ATP9B: variants seen among roughly 807,000 people sequenced by gnomAD.
ATP9B encodes probable phospholipid-transporting ATPase IIB.
Under a neutral mutation model 146.1 loss-of-function variants are expected in ATP9B, and 110 were observed. The ratio of observed to expected loss-of-function variants is 0.75; its 90% CI spans 0.65 to 0.88. ATP9B has a LOEUF of 0.88. Among genes scored for constraint, ATP9B ranks in the 40% least tolerant of loss-of-function variants. ATP9B has a pLI of 0.00. For missense variants in ATP9B, 1,499 were observed against 1,496.4 expected, an observed-to-expected ratio of 1.00 and a Z score of -0.03; for synonymous variants, 604 against 569.7, an observed-to-expected ratio of 1.06 and a Z score of -0.86.
chr18:79,370,546 G>A (rs1028303569), intron 26 of ATP9B, among the ~76,000 whole-genome samples: 3 of 152,180 alleles, frequency 2.0e-5, no homozygotes, highest in Non-Finnish European at 2.9e-5. Context: ...TATGAGTAAC[G>A]TGTCTGTACC....
At position 79,071,399 on chromosome 18, in the gene ATP9B, C is replaced by CTTTTTTTTTTT. The variant is rs56119715; in HGVS notation, c.119+1874_119+1884dup. Among the ~76,000 whole-genome samples, 204 of 69,270 alleles carry CTTTTTTTTTTT rather than the reference C, an allele frequency of 2.9e-3. 31 individuals carry two copies. The highest frequency in any genetic ancestry group is 0.016 in the East Asian group (49 of 3,034). The allele number at this position is 69,270 out of a possible 152,430, so 45.4% of individuals were successfully genotyped here. A position where few individuals can be genotyped will look rare whatever the true frequency, so the allele number is the denominator to read the frequency against. ...ATTTCCCCTTTTTCTATTGTTCTTC[C>CTTTTTTTTTTT]TTTTTTTTTTTTTTGAGACAGGGTC... On this transcript the variant is annotated intron_variant, in intron 1 of 29. Transcript: ENST00000426216.
At chr18:79,269,238 A>C (rs1195193653) in intron 12 of ATP9B, among the ~76,000 whole-genome samples, 1 of 152,154 alleles carries the variant, frequency 6.6e-6, no homozygotes, top group Non-Finnish European at 1.5e-5. Context: ...GGGCTTGGTC[A>C]CTGTCCTCGC....
At chr18:79,149,359 A>G (rs540913651) in intron 6 of ATP9B, among the ~76,000 whole-genome samples, 1 of 152,296 alleles carries the variant, frequency 6.6e-6, no homozygotes, top group Non-Finnish European at 1.5e-5. Context: ...AATTAGACAA[A>G]GGTGTGAAAA....
At chr18:79,185,651 C>A (rs1022952984) in intron 8 of ATP9B, among the ~76,000 whole-genome samples, 2 of 152,118 alleles carry the variant, frequency 1.3e-5, no homozygotes, top group Non-Finnish European at 2.9e-5. Context: ...AGGTATAGAT[C>A]TTTTTTCTAT....
intron 15 of ATP9B, among the ~76,000 whole-genome samples, chr18:79,323,650 T>C (rs2096728345): frequency 6.6e-6 from 1 of 152,230 alleles, no homozygotes; most frequent in African/African-American, 2.4e-5. Context: ...CATTCTTTAG[T>C]GATGGCTGAA....
chr18:79,180,861 C>G (rs149863017), intron 8 of ATP9B, among the ~76,000 whole-genome samples: 1 of 151,890 alleles, frequency 6.6e-6, no homozygotes, highest in African/African-American at 2.4e-5. Context: ...AGTGCAATCT[C>G]GACTCACTGC....
chr18:79,184,729 T>C (rs2095288593), intron 8 of ATP9B, among the ~76,000 whole-genome samples: 1 of 152,136 alleles, frequency 6.6e-6, no homozygotes, highest in African/African-American at 2.4e-5. Context: ...TCAAGTAATC[T>C]CTGCAGAACT....
intron 19 of ATP9B, chr18:79,340,602 A>C (rs1454410854): frequency 6.6e-6 from 1 of 152,228 alleles, no homozygotes; most frequent in Non-Finnish European, 1.5e-5. Context: ...TATGATACAT[A>C]AGAAATCTGA....
In ATP9B at chr18:79,229,051, G is replaced by T. The variant is rs114706910; in HGVS notation, c.1107+15013G>T. Reference sequence around the variant, plus strand: ...GTCTCAATACAAGCAAACAAAAAAAGGTAGCAGCTCAGGCTACAGTTCACA... The same window carrying T: ...GTCTCAATACAAGCAAACAAAAAAATGTAGCAGCTCAGGCTACAGTTCACA... On this transcript the variant is annotated intron_variant, in intron 11 of 29. Transcript: ENST00000426216. 8.0e-3 allele frequency among the ~76,000 whole-genome samples: 1,220 copies of T among 152,170 alleles called. 18 individuals carry two copies. Among genetic ancestry groups the T allele is most frequent in the African/African-American group, 0.028 (1,166 of 41,540 alleles).
At chr18:79,274,340 G>A (rs749686240) in intron 12 of ATP9B, among the ~76,000 whole-genome samples, 18 of 152,120 alleles carry the variant, frequency 1.2e-4, no homozygotes, top group African/African-American at 4.3e-4. Context: ...GATTTTTAAC[G>A]TTAAAGAGGA....
chr18:79,184,758 C>A (rs1326987228), intron 8 of ATP9B, among the ~76,000 whole-genome samples: 5 of 151,972 alleles, frequency 3.3e-5, no homozygotes, highest in African/African-American at 1.2e-4. Context: ...AATATGAGTC[C>A]TTAAATGACT....
At chr18:79,185,510 A>G (rs1272108073) in intron 8 of ATP9B, among the ~76,000 whole-genome samples, 1 of 152,244 alleles carries the variant, frequency 6.6e-6, no homozygotes, top group East Asian at 1.9e-4. Flanking sequence ...TATATGGTAA[A>G]TGAAAACATT....
intron 1 of ATP9B, among the ~76,000 whole-genome samples, chr18:79,086,647 A>T (rs1821483625): frequency 6.6e-6 from 1 of 152,116 alleles, no homozygotes; most frequent in African/African-American, 2.4e-5. Context: ...GTTTGCATTT[A>T]TATAACATTG....
intron 9 of ATP9B, among the ~76,000 whole-genome samples, chr18:79,196,706 G>A (rs2095421021): frequency 6.6e-6 from 1 of 152,222 alleles, no homozygotes; most frequent in South Asian, 2.1e-4. Context: ...TGCATAGTAT[G>A]CAGGCTCTTT....
At position 79,372,835 on chromosome 18, in the gene ATP9B, T is replaced by C; in HGVS notation, c.3023T>C (p.Leu1008Ser). 6.2e-7 allele frequency: 1 copy of C among 1,610,930 alleles called. No individual in the cohort carries two copies. The highest frequency in any genetic ancestry group is 8.5e-7 in the Non-Finnish European group (1 of 1,177,076). ...CCACTGTTTCCCTAGGGAAGATCCT[T>C]GTCCTTCAAAACCTTCCTCATCTGG... ...LYKDLTKGRS[L>S]SFKTFLIWVL... The change falls in exon 27 of 30, where the codon TTG becomes TCG. Residue 1008 changes from leucine (L) to serine (S), a missense_variant. By Grantham distance (145) the Leu-to-Ser change is moderately radical. Transcript: ENST00000426216.
chr18:79,103,063 A>G (rs916397343), intron 2 of ATP9B, among the ~76,000 whole-genome samples: 1 of 152,172 alleles, frequency 6.6e-6, no homozygotes, highest in Non-Finnish European at 1.5e-5. Context: ...ATCTGCAGAT[A>G]GCAGTGGTAT....
Position 79,284,159 on chromosome 18 carries a change from G to A in ATP9B, c.1411+6963G>A, listed in dbSNP as rs185255157. 8.1e-4 allele frequency among the ~76,000 whole-genome samples: 124 copies of A among 152,338 alleles called. 3 individuals are homozygous for A. The East Asian group carries it at 0.022, about 27-fold the overall frequency. Reference sequence around the variant, plus strand: ...GTTTGTAAGGGCAGGCAAGCATGACGTGTGTGCTAGTGAGTGCATACGAGG... The same window carrying A: ...GTTTGTAAGGGCAGGCAAGCATGACATGTGTGCTAGTGAGTGCATACGAGG... On this transcript the variant is annotated intron_variant, in intron 13 of 29. Coordinates refer to ENST00000426216, the MANE Select transcript of ATP9B (RefSeq NM_198531.5).
chr18:79,293,164 A>G (rs2096524003), intron 13 of ATP9B, among the ~76,000 whole-genome samples: 1 of 151,284 alleles, frequency 6.6e-6, no homozygotes, highest in African/African-American at 2.4e-5. Context: ...ATGAAGTTGG[A>G]TACTTATCCC....
Position 79,377,282 on chromosome 18 carries a change from A to G in ATP9B, c.3343A>G (p.Lys1115Glu), listed in dbSNP as rs760174839. ...AFITTVTFLW[K>E]VSAITVVSCL... Reference sequence around the variant, plus strand: ...TATCACCACCGTGACCTTCCTGTGGAAAGTGTCGGCGATCACCGTGGTCAG... The same window carrying G: ...TATCACCACCGTGACCTTCCTGTGGGAAGTGTCGGCGATCACCGTGGTCAG... The change falls in exon 30 of 30, where the codon AAA (lysine) becomes GAA (glutamate). Residue 1115 changes from lysine (K) to glutamate (E), a missense_variant. Coordinates refer to ENST00000426216, the MANE Select transcript of ATP9B (RefSeq NM_198531.5). The G allele has an allele frequency of 3.7e-6, 6 of 1,612,306 alleles. No individual in the cohort carries two copies. In the East Asian group the frequency reaches 8.9e-5, roughly 24 times the overall value.
Sources: allele counts gnomAD v4.1 joint callset (sites outside exome capture counted in the v4.1 genomes callset), GRCh38; gene constraint gnomAD v4.1.1; transcripts MANE v1.5; gene names NCBI Gene and HGNC (gene_info 2026-07-23, HGNC 2026-07-21).